CPXM2: variants seen among roughly 807,000 people sequenced by gnomAD.
The protein encoded by CPXM2 is carboxypeptidase X, M14 family member 2, also known as inactive carboxypeptidase-like protein X2.
A neutral mutation model predicts 86.1 loss-of-function variants in CPXM2; 66 were observed. That is an observed-to-expected ratio of 0.77 (90% CI 0.63 to 0.94). The LOEUF (loss-of-function observed/expected upper bound fraction) is 0.94, where lower values mean the gene tolerates loss of function less well. CPXM2 is among the 40% of genes least tolerant of loss of function. CPXM2 has a pLI of 0.00. For synonymous variants in CPXM2, 388 were observed against 400.2 expected (o/e 0.97, Z 0.36); for missense variants, 948 against 1,026.3 (o/e 0.92, Z 1.04).
chr10:123,938,643 T>C (rs913014277), intron 2 of CPXM2, among the ~76,000 whole-genome samples: 1 of 152,188 alleles, frequency 6.6e-6, no homozygotes, highest in Non-Finnish European at 1.5e-5. Flanking sequence ...AGGGTCACTG[T>C]GACAGATGCC....
At chr10:123,866,513 C>T (rs956367590) in intron 2 of CPXM2, among the ~76,000 whole-genome samples, 13 of 151,742 alleles carry the variant, frequency 8.6e-5, no homozygotes, top group Non-Finnish European at 1.5e-4. Context: ...TGCAGTGAGC[C>T]GAGATCGTGC....
chr10:123,748,134 G>A (rs1378780955), intron 13 of CPXM2, among the ~76,000 whole-genome samples: 5 of 152,034 alleles, frequency 3.3e-5, no homozygotes, highest in African/African-American at 9.7e-5. Flanking sequence ...TGTGATGCAG[G>A]CTGCATGCTT....
intron 3 of CPXM2, among the ~76,000 whole-genome samples, chr10:123,859,156 T>A (rs1012063669): frequency 1.3e-5 from 2 of 152,194 alleles, no homozygotes; most frequent in Non-Finnish European, 2.9e-5. Context: ...TGCACTAGGG[T>A]ATTAAACACA....
intron 4 of CPXM2, among the ~76,000 whole-genome samples, chr10:123,829,875 T>G (rs1848127419): frequency 1.3e-5 from 2 of 151,534 alleles, no homozygotes; most frequent in South Asian, 4.2e-4. Context: ...GAATGTAGGC[T>G]ATCCTGGGGG....
At chr10:123,941,971 T>C (rs1480624002), upstream of CPXM2, among the ~76,000 whole-genome samples, 2 of 152,206 alleles carry the variant, frequency 1.3e-5, no homozygotes, top group East Asian at 3.8e-4. Flanking sequence ...GAGCTTAAAA[T>C]AGGTTAAAAA....
intron 3 of CPXM2, among the ~76,000 whole-genome samples, chr10:123,849,043 G>A (rs1238733389): frequency 6.6e-6 from 1 of 152,136 alleles, no homozygotes; most frequent in Non-Finnish European, 1.5e-5. Flanking sequence ...TACAATTTCA[G>A]TTTTGTTCTA....
At chr10:123,925,727 T>C (rs1221257472) in intron 2 of CPXM2, among the ~76,000 whole-genome samples, 1 of 152,202 alleles carries the variant, frequency 6.6e-6, no homozygotes, top group Non-Finnish European at 1.5e-5. Flanking sequence ...CTTGTTTACC[T>C]GTATACTTTT....
chr10:123,825,170 T>C (rs1325959356), intron 4 of CPXM2, among the ~76,000 whole-genome samples: 9 of 152,286 alleles, frequency 5.9e-5, no homozygotes, highest in Non-Finnish European at 1.3e-4. Flanking sequence ...CTAGATTACA[T>C]GTAGGCCTCA....
chr10:123,900,870 C>T (rs925933170), intron 2 of CPXM2, among the ~76,000 whole-genome samples: 3 of 152,174 alleles, frequency 2.0e-5, no homozygotes, highest in African/African-American at 7.2e-5. Flanking sequence ...TAAGACTTGG[C>T]AAAACCAACC....
intron 6 of CPXM2, among the ~76,000 whole-genome samples, chr10:123,788,238 C>A (rs1247822991): frequency 6.7e-6 from 1 of 148,168 alleles, no homozygotes; most frequent in Non-Finnish European, 1.5e-5. Flanking sequence ...CGAGATCATG[C>A]CACTGCACTC....
chr10:123,856,871 C>T (rs988748179), intron 3 of CPXM2, among the ~76,000 whole-genome samples: 11 of 152,218 alleles, frequency 7.2e-5, no homozygotes, highest in Admixed American at 6.5e-4. Context: ...GGGTTACAGG[C>T]ATGAGCCACC....
Position 123,855,914 on chromosome 10 carries a change from G to A in CPXM2, c.513+6700C>T, listed in dbSNP as rs554643771. On this transcript the variant is annotated intron_variant, in intron 3 of 13. Coordinates refer to ENST00000241305, the MANE Select transcript of CPXM2 (RefSeq NM_198148.3). ...TTATTATGGCCAGACGTTTCCTCCT[G>A]GAAGAGCTGCAAGAGGTGAGCCTCT... Among the ~76,000 whole-genome samples the A allele has an allele frequency of 2.6e-5, 4 of 152,244 alleles. No homozygotes were observed. The East Asian group carries it at 7.7e-4, about 29-fold the overall frequency.
At chr10:123,778,267 G>A (rs1846848032) in intron 7 of CPXM2, among the ~76,000 whole-genome samples, 1 of 152,202 alleles carries the variant, frequency 6.6e-6, no homozygotes, top group Non-Finnish European at 1.5e-5. Context: ...TTTTTCCTGA[G>A]GGAGAAAGAT....
At chr10:123,841,973 G>C (rs1363391772) in intron 4 of CPXM2, among the ~76,000 whole-genome samples, 1 of 152,152 alleles carries the variant, frequency 6.6e-6, no homozygotes, top group Non-Finnish European at 1.5e-5. Context: ...CTCTACCCCA[G>C]AACTGTGTAC....
chr10:123,816,348 T>C (rs1159959869), intron 4 of CPXM2, among the ~76,000 whole-genome samples: 3 of 152,254 alleles, frequency 2.0e-5, no homozygotes, highest in South Asian at 2.1e-4. Context: ...GTGAGGGCTA[T>C]TATGGTGAGA....
At chr10:123,895,121 CTT>C (rs869104432), upstream of CPXM2, among the ~76,000 whole-genome samples, 466 of 85,782 alleles carry the variant, frequency 5.4e-3, no homozygotes, top group African/African-American at 0.018. Context: ...TCTTTTTTTT[CTT>C]TTTTTTTTTT....
chr10:123,761,125 G>A (rs1846326744), intron 11 of CPXM2, among the ~76,000 whole-genome samples: 1 of 152,202 alleles, frequency 6.6e-6, no homozygotes, highest in South Asian at 2.1e-4. Flanking sequence ...CCCTCTGGCT[G>A]CTGTAAGGGA....
chr10:123,845,872 A>G (rs1456240657), intron 3 of CPXM2, among the ~76,000 whole-genome samples: 1 of 152,228 alleles, frequency 6.6e-6, no homozygotes, highest in African/African-American at 2.4e-5. Context: ...AATAAGAATG[A>G]CATCAGAATT....
chr10:123,751,033 G>A, intron 13 of CPXM2: 1 of 985,444 alleles, frequency 1.0e-6, no homozygotes. Context: ...GAGCTGCAGT[G>A]GAAGTCAACA....
Sources: allele counts gnomAD v4.1 joint callset (sites outside exome capture counted in the v4.1 genomes callset), GRCh38; gene constraint gnomAD v4.1.1; transcripts MANE v1.5; gene names NCBI Gene and HGNC (gene_info 2026-07-23, HGNC 2026-07-21).